HCN1: variants seen among roughly 807,000 people sequenced by gnomAD.
The protein encoded by HCN1 is potassium/sodium hyperpolarization-activated cyclic nucleotide-gated channel 1.
A neutral mutation model predicts 78.9 loss-of-function variants in HCN1; 13 were observed. The ratio of observed to expected loss-of-function variants is 0.16; its 90% CI spans 0.11 to 0.26. The LOEUF is 0.26. Among genes scored for constraint, HCN1 ranks in the 10% least tolerant of loss-of-function variants. The pLI is 1.00. For missense variants in HCN1, 810 were observed against 1,154.3 expected (o/e 0.70, Z 4.32); for synonymous variants, 552 against 455.5 (o/e 1.21, Z -2.70).
chr5:45,319,902 T>C (rs1050543263), intron 5 of HCN1, among the ~76,000 whole-genome samples: 3 of 151,892 alleles, frequency 2.0e-5, no homozygotes, highest in Non-Finnish European at 2.9e-5. Context: ...TAACTTTATA[T>C]TGATAACTTA....
intron 2 of HCN1, among the ~76,000 whole-genome samples, chr5:45,529,953 C>A (rs1222870950): frequency 6.6e-6 from 1 of 151,986 alleles, no homozygotes; most frequent in Non-Finnish European, 1.5e-5. Flanking sequence ...TTTTAGATTC[C>A]TCATAATAAA....
At chr5:45,297,597 C>T (rs879879213) in intron 6 of HCN1, among the ~76,000 whole-genome samples, 31 of 152,028 alleles carry the variant, frequency 2.0e-4, no homozygotes, top group Non-Finnish European at 4.1e-4. Context: ...AGAAGGAGCA[C>T]TTTCAAATCC....
chr5:45,279,513 AAT>A (rs1233290313), intron 6 of HCN1, among the ~76,000 whole-genome samples: 3 of 152,172 alleles, frequency 2.0e-5, no homozygotes, highest in Admixed American at 6.6e-5. Flanking sequence ...ATATTTTGTT[AAT>A]GTTTTATTGC....
chr5:45,607,774 A>C (rs542019654), intron 2 of HCN1, among the ~76,000 whole-genome samples: 1 of 151,860 alleles, frequency 6.6e-6, no homozygotes, highest in Non-Finnish European at 1.5e-5. Context: ...CAAAAGCAAC[A>C]GGGATAATAT....
At chr5:45,428,254 G>A (rs1030766912) in intron 3 of HCN1, among the ~76,000 whole-genome samples, 4 of 151,842 alleles carry the variant, frequency 2.6e-5, no homozygotes, top group African/African-American at 9.7e-5. Flanking sequence ...TTGATATATT[G>A]TACAATTTGA....
Position 45,572,733 on chromosome 5 carries a change from C to G in HCN1, c.849+72452G>C, listed in dbSNP as rs1743860760. On this transcript the variant is annotated intron_variant, in intron 2 of 7. Coordinates refer to ENST00000303230, the MANE Select transcript of HCN1 (RefSeq NM_021072.4). ...ACTCTGTATTCATTAATTTGTTTAACAAAATTGTGAGCACGTACTGGCACC... is the reference window on the plus strand; with the variant it reads ...ACTCTGTATTCATTAATTTGTTTAAGAAAATTGTGAGCACGTACTGGCACC... 3.9e-5 allele frequency among the ~76,000 whole-genome samples: 6 copies of G among 152,104 alleles called. No homozygotes were observed. The South Asian group carries it at 1.0e-3, about 26-fold the overall frequency.
At chr5:45,604,477 G>T (rs1359166707) in intron 2 of HCN1, among the ~76,000 whole-genome samples, 1 of 151,962 alleles carries the variant, frequency 6.6e-6, no homozygotes, top group Non-Finnish European at 1.5e-5. Context: ...TAATGGTATT[G>T]TTAGAAATTA....
At position 45,304,199 on chromosome 5, in the gene HCN1, C is replaced by G. The variant is rs552814127; in HGVS notation, c.1378-360G>C. The stretch of plus-strand genomic sequence containing the variant: ...TATTCTTCCTTTTATCTTTTATTTA[C>G]GAAGAAAGAAAGCCATATCACTTCC... On this transcript the variant is annotated intron_variant, in intron 5 of 7. Coordinates refer to ENST00000303230, the MANE Select transcript of HCN1 (RefSeq NM_021072.4). Among the ~76,000 whole-genome samples, 151 of 151,960 alleles carry G rather than the reference C, an allele frequency of 9.9e-4. 1 individual carries two copies. Among genetic ancestry groups the G allele is most frequent in the African/African-American group, 3.1e-3 (127 of 41,454 alleles).
At chr5:45,399,398 A>T (rs1475335291) in intron 3 of HCN1, among the ~76,000 whole-genome samples, 1 of 152,218 alleles carries the variant, frequency 6.6e-6, no homozygotes, top group Non-Finnish European at 1.5e-5. Flanking sequence ...CACTTACAAA[A>T]CATAAGTTCA....
chr5:45,566,345 T>A (rs1289176307), intron 2 of HCN1, among the ~76,000 whole-genome samples: 1 of 152,174 alleles, frequency 6.6e-6, no homozygotes, highest in Non-Finnish European at 1.5e-5. Context: ...ACATTTGTAA[T>A]CTAAAAGTAT....
intron 2 of HCN1, among the ~76,000 whole-genome samples, chr5:45,628,240 A>G (rs1002027919): frequency 4.6e-5 from 7 of 152,220 alleles, no homozygotes; most frequent in Non-Finnish European, 1.0e-4. Context: ...AAGTGAACAC[A>G]TTAGTGTCTC....
intron 2 of HCN1, among the ~76,000 whole-genome samples, chr5:45,527,050 CCTCTTT>C (rs1362285272): frequency 7.9e-6 from 1 of 127,316 alleles, no homozygotes; most frequent in Non-Finnish European, 1.7e-5. Context: ...CTCTTTTCTC[CCTCTTT>C]CTCTCTCTCT....
chr5:45,638,880 G>T (rs1309695770), intron 2 of HCN1, among the ~76,000 whole-genome samples: 1 of 152,124 alleles, frequency 6.6e-6, no homozygotes. Context: ...TCCAGCCTGG[G>T]CGACATAGCA....
intron 3 of HCN1, among the ~76,000 whole-genome samples, chr5:45,433,494 G>C (rs1434134244): frequency 6.6e-6 from 1 of 151,494 alleles, no homozygotes; most frequent in Non-Finnish European, 1.5e-5. Context: ...GTCTCCTGAA[G>C]ACAGTATACC....
intron 1 of HCN1, among the ~76,000 whole-genome samples, chr5:45,650,536 A>G (rs753429390): frequency 2.6e-5 from 4 of 152,066 alleles, no homozygotes; most frequent in African/African-American, 4.8e-5. Flanking sequence ...AATGATCTTT[A>G]TAATTACAGC....
chr5:45,590,998 AT>A (rs768861091), intron 2 of HCN1, among the ~76,000 whole-genome samples: 330 of 144,712 alleles, frequency 2.3e-3, no homozygotes, highest in Middle Eastern at 3.6e-3. Context: ...TGACTGGCTA[AT>A]TTTTTTTTTT....
chr5:45,267,478 C>A (rs1249436376), intron 6 of HCN1, among the ~76,000 whole-genome samples: 3 of 146,048 alleles, frequency 2.1e-5, no homozygotes, highest in African/African-American at 7.7e-5. Context: ...AAAAAAAAAA[C>A]AGTTGAGAAG....
intron 4 of HCN1, among the ~76,000 whole-genome samples, chr5:45,388,319 C>T (rs1383868361): frequency 2.0e-5 from 3 of 152,040 alleles, no homozygotes; most frequent in Non-Finnish European, 4.4e-5. Flanking sequence ...TTCTCAGCCT[C>T]CTTGAGTAGA....
At chr5:45,314,092 A>C (rs1745920555) in intron 5 of HCN1, among the ~76,000 whole-genome samples, 1 of 152,196 alleles carries the variant, frequency 6.6e-6, no homozygotes, top group South Asian at 2.1e-4. Flanking sequence ...GAAGGAAAAA[A>C]ATGGTAAGGG....
Sources: gnomAD v4.1 joint callset for allele counts (sites outside exome capture counted in the v4.1 genomes callset) on GRCh38, gnomAD v4.1.1 for gene constraint, MANE v1.5 for transcripts, NCBI Gene and HGNC (gene_info 2026-07-23, HGNC 2026-07-21) for gene names.